Variants in LSG1 observed in about 807,000 individuals in gnomAD.
LSG1 encodes the protein large 60S subunit nuclear export GTPase 1, also known as large subunit GTPase 1 homolog.
In LSG1, 55 loss-of-function variants were observed where a neutral mutation model predicts 82.6. The observed-to-expected ratio is 0.67, with a 90% confidence interval of 0.54 to 0.83. The LOEUF (loss-of-function observed/expected upper bound fraction) is 0.83. Among genes scored for constraint, LSG1 ranks in the 40% least tolerant of loss-of-function variants. LSG1 has a pLI of 0.00. For synonymous variants in LSG1, 272 were observed against 282.5 expected (o/e 0.96, Z 0.37); for missense variants, 809 against 807.9 (o/e 1.00, Z -0.02).
chr3:194,642,222 C>G lies in LSG1; in HGVS notation c.1823G>C (p.Gly608Ala), dbSNP rs143925792. The change falls in exon 14 of 14, where the codon GGA becomes GCA. Residue 608 changes from glycine to alanine, a missense_variant. By Grantham distance (60) the Gly-to-Ala change is moderately conservative (BLOSUM62 0). Coordinates refer to ENST00000265245, the MANE Select transcript of LSG1 (RefSeq NM_018385.3). ...CTTGTAACCCATCACAGCCTGGACT[C>G]CTTTGGTCAAAGCCCTCACATTCTC... The part of the protein sequence containing the change: ...HQENVRALTK[G>A]VQAVMGYKPG... 1.3e-4 allele frequency: 214 copies of G among 1,613,688 alleles called. 3 individuals carry two copies. The East Asian group carries it at 4.7e-3, about 35-fold the overall frequency.
chr3:194,666,315 A>G, intron 3 of LSG1, 26 bp from the exon 4 acceptor site: 13 of 1,610,382 alleles, frequency 8.1e-6, no homozygotes, highest in South Asian at 1.1e-5. Flanking sequence ...AAGGAAAAAA[A>G]TTCCTCATAT....
chr3:194,671,915 C>T (rs904118691), intron 1 of LSG1, 149 bp downstream of exon 1: 8 of 716,644 alleles, frequency 1.1e-5, no homozygotes, highest in Non-Finnish European at 2.0e-5. Context: ...GGAGGAGGGC[C>T]TGCTACTCAG....
At chr3:194,651,051 TG>T in intron 9 of LSG1, 27 bp from the exon 10 acceptor site, 1 of 1,613,950 alleles carries the variant, frequency 6.2e-7, no homozygotes, top group Non-Finnish European at 8.5e-7. Flanking sequence ...AGGTTTGAGC[TG>T]GGTATACAAC....
At chr3:194,663,028 A>T (rs1718965125) in intron 5 of LSG1, among the ~76,000 whole-genome samples, 1 of 152,232 alleles carries the variant, frequency 6.6e-6, no homozygotes, top group Admixed American at 6.5e-5. Context: ...GGAGAAAAAG[A>T]AAAGGAACAA....
chr3:194,658,436 G>A (rs191774496), intron 7 of LSG1, among the ~76,000 whole-genome samples: 1 of 152,144 alleles, frequency 6.6e-6, no homozygotes, highest in East Asian at 1.9e-4. Flanking sequence ...AGTGAGCCAC[G>A]GCACCTGGCC....
At chr3:194,644,376 AAAAAT>A (rs551852489) in intron 13 of LSG1, among the ~76,000 whole-genome samples, 192 bp downstream of exon 13, 4,270 of 126,496 alleles carry the variant, frequency 0.034, 356 homozygotes, top group African/African-American at 0.12. Flanking sequence ...CTCAAAAAAA[AAAAAT>A]AAAAATAAAT....
Position 194,658,956 on chromosome 3 carries a change from C to T in LSG1, c.759+1G>A, listed in dbSNP as rs763110518. Reference sequence around the variant, plus strand: ...CCAACCTAAAATGTCCCTCAGGTTACCTCAGAGTCACCATTCAGGGGAATG... The same window carrying T: ...CCAACCTAAAATGTCCCTCAGGTTATCTCAGAGTCACCATTCAGGGGAATG... On this transcript the variant is annotated splice_donor_variant, in intron 7 of 13. Coordinates refer to ENST00000265245, the MANE Select transcript of LSG1 (RefSeq NM_018385.3). LOFTEE classifies it high-confidence loss of function. The T allele has an allele frequency of 2.5e-6, 4 of 1,611,820 alleles. No homozygotes were observed. In the East Asian group the frequency reaches 8.9e-5, roughly 36 times the overall value.
Position 194,650,572 on chromosome 3 carries a change from A to C in LSG1, c.1419+309T>G, listed in dbSNP as rs575818654. 6 of 250,640 alleles carry C rather than the reference A, an allele frequency of 2.4e-5. No individual in the cohort carries two copies. The East Asian group carries it at 5.7e-4, about 24-fold the overall frequency. 15.5% of individuals were successfully genotyped at this position (250,640 alleles called of 1,614,324 possible). ...GATTTTCCCCCACTTAGAGAAAAGG[A>C]AAGTATTTGGGAAGGTTAAGCAAGT... On this transcript the variant is annotated intron_variant, in intron 10 of 13. Coordinates refer to ENST00000265245, the MANE Select transcript of LSG1 (RefSeq NM_018385.3).
rs74493191 is a variant in LSG1, at chr3:194,664,183, C to T, written c.521+1374G>A. ...CCTCAGGCTGGTATCGAACTGCTGA[C>T]TTCAAGTGATCCACCTGCCTGGACC... On this transcript the variant is annotated intron_variant, in intron 5 of 13. Coordinates refer to ENST00000265245, the MANE Select transcript of LSG1 (RefSeq NM_018385.3). Among the ~76,000 whole-genome samples, 324 of 152,260 alleles carry T rather than the reference C, an allele frequency of 2.1e-3. 1 individual carries two copies. The highest frequency in any genetic ancestry group is 7.6e-3 in the African/African-American group (317 of 41,554).
At chr3:194,642,364 T>C (rs1718416438) in intron 13 of LSG1, 117 bp from the exon 14 acceptor site, 1 of 717,790 alleles carries the variant, frequency 1.4e-6, no homozygotes, top group African/African-American at 1.8e-5. Context: ...TGGGTGAACT[T>C]CCGCCCCCCT....
chr3:194,641,967 T>G lies in LSG1; in HGVS notation c.*101A>C. On this transcript the variant is annotated 3_prime_UTR_variant, in exon 14 of 14. Coordinates refer to ENST00000265245, the MANE Select transcript of LSG1 (RefSeq NM_018385.3). ...CCGTGCTCTGCAAGAGCAGGGCCCGTTCTACAGTGCTAGTGTCTTGGGACG... is the reference window on the plus strand; with the variant it reads ...CCGTGCTCTGCAAGAGCAGGGCCCGGTCTACAGTGCTAGTGTCTTGGGACG... 7.6e-7 allele frequency: 1 copy of G among 1,317,446 alleles called. No homozygotes were observed. The highest frequency in any genetic ancestry group is 1.1e-6 in the Non-Finnish European group (1 of 949,576). 81.6% of individuals were successfully genotyped at this position (1,317,446 alleles called of 1,614,324 possible).
intron 2 of LSG1, among the ~76,000 whole-genome samples, chr3:194,667,505 C>G (rs1181176880): frequency 2.6e-5 from 4 of 152,168 alleles, no homozygotes; most frequent in African/African-American, 9.7e-5. Context: ...AGTCAGCTAT[C>G]TCAGGAGAAT....
chr3:194,652,575 C>A (rs1395581714), intron 8 of LSG1, among the ~76,000 whole-genome samples, 154 bp downstream of exon 8: 1 of 152,188 alleles, frequency 6.6e-6, no homozygotes, highest in East Asian at 1.9e-4. Context: ...TCTGTCTATC[C>A]CACTGCCTAA....
In LSG1 at chr3:194,666,567, G is replaced by A. The variant is rs778816404; in HGVS notation, c.232C>T (p.Leu78Phe). 8.1e-6 allele frequency: 13 copies of A among 1,610,542 alleles called. No individual in the cohort carries two copies. The Admixed American group carries it at 1.3e-4, about 17-fold the overall frequency. The change falls in exon 3 of 14, where the codon CTT becomes TTT. Residue 78 changes from leucine (L) to phenylalanine (F), a missense_variant. Physicochemically the swap from Leu to Phe is conservative, Grantham distance 22. Transcript: ENST00000265245. ...TCAGCAGGCACAAACTTAATATTAA[G>A]TTTCTCTGTTCAAATAAAGAAAAGT... ...LAGTEFVAEK[L>F]NIKFVPAEAR... is the part of the protein sequence containing the mutation.
At chr3:194,662,280 G>A (rs1350320031) in intron 5 of LSG1, among the ~76,000 whole-genome samples, 3 of 152,218 alleles carry the variant, frequency 2.0e-5, no homozygotes, top group Non-Finnish European at 2.9e-5. Flanking sequence ...GGTTTATTAT[G>A]GAGAAAATGA....
chr3:194,661,020 CAG>C (rs1030450164), intron 5 of LSG1: 1 of 364,294 alleles, frequency 2.7e-6, no homozygotes, highest in Non-Finnish European at 5.5e-6. Context: ...TACCTCACGG[CAG>C]AGTCTCCCCA....
In LSG1 at chr3:194,666,058, T is replaced by C. The variant is rs1560229015; in HGVS notation, c.434+145A>G. ...TGCACCTAGCAATCTTGTTTGTGCA[T>C]ACATCTATTTGCACTTGTTAGCAGA... On this transcript the variant is annotated intron_variant, in intron 4 of 13. Transcript: ENST00000265245. 3 of 695,642 alleles carry C rather than the reference T, an allele frequency of 4.3e-6. No homozygotes were observed. In the South Asian group the frequency reaches 5.4e-5, roughly 13 times the overall value. 43.1% of individuals were successfully genotyped at this position (695,642 alleles called of 1,614,324 possible).
intron 10 of LSG1, among the ~76,000 whole-genome samples, chr3:194,650,266 G>A (rs1257094420): frequency 6.6e-6 from 1 of 152,046 alleles, no homozygotes; most frequent in Non-Finnish European, 1.5e-5. Flanking sequence ...TTTCCATGCT[G>A]GGCACTGTCC....
At chr3:194,650,000 A>T (rs1047654874) in intron 10 of LSG1, among the ~76,000 whole-genome samples, 2 of 151,826 alleles carry the variant, frequency 1.3e-5, no homozygotes, top group African/African-American at 4.8e-5. Flanking sequence ...GCTCACTGCA[A>T]CCTCCGCCTC....
Sources: allele counts gnomAD v4.1 joint callset (sites outside exome capture counted in the v4.1 genomes callset), GRCh38; gene constraint gnomAD v4.1.1; transcripts MANE v1.5; gene names NCBI Gene and HGNC (gene_info 2026-07-23, HGNC 2026-07-21).